SPC25: variants seen among roughly 807,000 people sequenced by gnomAD.
SPC25 encodes kinetochore protein Spc25.
SPC25 carries 22 observed loss-of-function variants against 29.6 expected under a neutral mutation model. The ratio of observed to expected loss-of-function variants is 0.74; its 90% confidence interval spans 0.53 to 1.06. SPC25 has a LOEUF of 1.06. SPC25 is among the 50% of genes least tolerant of loss of function. The probability of loss-of-function intolerance (pLI) is 0.00; values close to 1 mark genes in which losing one functional copy is unlikely to be tolerated. For synonymous variants in SPC25, 91 were observed against 90.4 expected (o/e 1.01, Z -0.04); for missense variants, 230 against 255.8 (o/e 0.90, Z 0.69).
At chr2:168,870,829 C>T (rs1262201087), downstream of SPC25, 1 of 151,488 alleles carries the variant, frequency 6.6e-6, no homozygotes, top group East Asian at 1.9e-4. Context: ...ACTAGAAATA[C>T]CATTTGACCC....
chr2:168,870,016 C>A (rs992294971), downstream of SPC25, among the ~76,000 whole-genome samples: 1 of 152,040 alleles, frequency 6.6e-6, no homozygotes, highest in South Asian at 2.1e-4. Flanking sequence ...GAGATATAGA[C>A]CAATGGAACA....
rs543838741 is a variant in SPC25 at position 168,862,230 on chromosome 2, C to CTGTT, written n.419+11351_419+11354dup. ...ATAATGATAATAGCTAACGCTTATT[C>CTGTT]TGTTTACTGTGTGTCAGACATTGTT... On this transcript the variant is annotated intron_variant and non_coding_transcript_variant, in intron 4 of 4. Transcript: ENST00000479309. Among the ~76,000 whole-genome samples the CTGTT allele has an allele frequency of 7.9e-5, 12 of 152,336 alleles. No homozygotes were observed. The South Asian group carries it at 2.1e-3, about 26-fold the overall frequency.
intron 3 of SPC25, among the ~76,000 whole-genome samples, chr2:168,888,430 C>CTG (rs1387477197): frequency 6.6e-6 from 1 of 152,160 alleles, no homozygotes; most frequent in Non-Finnish European, 1.5e-5. Context: ...TTGCAGGCGC[C>CTG]TGTAGTCCCA....
At chr2:168,884,822 G>A (rs1559156993) in intron 3 of SPC25, 5 of 151,522 alleles carry the variant, frequency 3.3e-5, no homozygotes, top group Admixed American at 2.6e-4. Flanking sequence ...AGAAAAGTAG[G>A]AATAATAATA....
intron 3 of SPC25, among the ~76,000 whole-genome samples, chr2:168,886,505 T>G (rs1344532617): frequency 6.6e-6 from 1 of 151,928 alleles, no homozygotes; most frequent in Non-Finnish European, 1.5e-5. Flanking sequence ...TGTATTTCTG[T>G]TCAAGTATAA....
Position 168,889,446 on chromosome 2 carries a change from G to T in SPC25, c.74C>A (p.Thr25Asn), listed in dbSNP as rs775155556. The part of the protein sequence containing the change: ...EFWNKFKSTD[T>N]SCQMAGLRDT... ...TCTTAGTCCCGCCATCTGACAGGAG[G>T]TGTCCGTACTTTTGAATTTATTCCA... is the stretch of plus-strand genomic sequence containing the variant. The change falls in exon 2 of 7, where the codon ACC becomes AAC. Residue 25 changes from threonine (T) to asparagine (N), a missense_variant. By Grantham distance (65) the Thr-to-Asn change is moderately conservative. Coordinates refer to ENST00000282074, the MANE Select transcript of SPC25 (RefSeq NM_020675.4). The T allele has an allele frequency of 6.2e-7, 1 of 1,614,104 alleles. No individual in the cohort carries two copies. The highest frequency in any genetic ancestry group is 1.1e-5 in the South Asian group (1 of 91,074).
At chr2:168,889,094 C>CAT (rs566674198) in intron 3 of SPC25, 132 bp downstream of exon 3, 6 of 417,956 alleles carry the variant, frequency 1.4e-5, no homozygotes, top group African/African-American at 7.2e-5. Flanking sequence ...TATATATACA[C>CAT]ATATATATAT....
chr2:168,888,768 T>C (rs116503111), intron 3 of SPC25, among the ~76,000 whole-genome samples: 4,047 of 149,230 alleles, frequency 0.027, 180 homozygotes, highest in African/African-American at 0.092. Context: ...TATATGTATA[T>C]ATATATATTT....
At chr2:168,872,308 A>G (rs745983323) in intron 6 of SPC25, among the ~76,000 whole-genome samples, 22 of 152,230 alleles carry the variant, frequency 1.4e-4, no homozygotes, top group Non-Finnish European at 2.6e-4. Flanking sequence ...TTAATAACTT[A>G]CAATTATGAA....
At chr2:168,862,784 G>A (rs1689548727) in intron 4 of SPC25, among the ~76,000 whole-genome samples, 1 of 152,216 alleles carries the variant, frequency 6.6e-6, no homozygotes, top group African/African-American at 2.4e-5. Flanking sequence ...TAGAAACCAT[G>A]TTTGAATGTT....
chr2:168,889,735 C>T lies in SPC25; in HGVS notation c.-14-202G>A, dbSNP rs113275242. 7.9e-5 allele frequency among the ~76,000 whole-genome samples: 12 copies of T among 152,244 alleles called. 1 individual carries two copies. The highest frequency in any genetic ancestry group is 2.9e-4 in the African/African-American group (12 of 41,554). On this transcript the variant is annotated intron_variant, in intron 1 of 6. Coordinates refer to ENST00000282074, the MANE Select transcript of SPC25 (RefSeq NM_020675.4). ...CAGCAATAATTCAGGACACCTTTAC[C>T]TCCTAGCAGCTTGTTAGTAGGTAAG...
At chr2:168,861,935 C>T (rs779151642) in intron 4 of SPC25, 9 of 1,607,330 alleles carry the variant, frequency 5.6e-6, no homozygotes, top group Non-Finnish European at 7.7e-6. Flanking sequence ...ACACAGCATA[C>T]TAATTACAGC....
At chr2:168,868,417 G>A (rs939802778), downstream of SPC25, among the ~76,000 whole-genome samples, 60 of 152,134 alleles carry the variant, frequency 3.9e-4, no homozygotes, top group Non-Finnish European at 1.6e-4. Flanking sequence ...GAATCCAGGA[G>A]CTGGCTTTTT....
intron 4 of SPC25, chr2:168,864,892 T>G: frequency 6.2e-7 from 1 of 1,614,000 alleles, no homozygotes. Flanking sequence ...GATCTTTGAA[T>G]GGGAAAAAAG....
intron 3 of SPC25, among the ~76,000 whole-genome samples, chr2:168,888,987 A>G (rs1405798970): frequency 1.5e-5 from 2 of 132,580 alleles, no homozygotes; most frequent in East Asian, 4.1e-4. Context: ...ACACACATAT[A>G]TATGTATATA....
At chr2:168,872,296 C>T (rs1033873110) in intron 6 of SPC25, among the ~76,000 whole-genome samples, 1 of 152,140 alleles carries the variant, frequency 6.6e-6, no homozygotes, top group African/African-American at 2.4e-5. Context: ...CAATGCCCAG[C>T]CTTAATAACT....
intron 1 of SPC25, 37 bp from the exon 2 acceptor site, chr2:168,889,570 T>G (rs768468685): frequency 6.4e-7 from 1 of 1,572,680 alleles, no homozygotes; most frequent in Non-Finnish European, 8.6e-7. Flanking sequence ...TTTAAGTTAC[T>G]GAAATCAAAT....
chr2:168,872,459 C>T (rs1449057439), intron 6 of SPC25, among the ~76,000 whole-genome samples: 1 of 152,026 alleles, frequency 6.6e-6, no homozygotes, highest in Non-Finnish European at 1.5e-5. Context: ...TGTAGTTGTA[C>T]CAGCTGGTAC....
intron 3 of SPC25, among the ~76,000 whole-genome samples, chr2:168,884,548 T>C (rs1183132229): frequency 2.0e-5 from 3 of 152,220 alleles, no homozygotes. Context: ...GTTCCCAAAA[T>C]ATCTATCTCA....
Sources: gnomAD v4.1 joint callset for allele counts (sites outside exome capture counted in the v4.1 genomes callset) on GRCh38, gnomAD v4.1.1 for gene constraint, MANE v1.5 for transcripts, NCBI Gene and HGNC (gene_info 2026-07-23, HGNC 2026-07-21) for gene names.